The following WWOX variants were observed in gnomAD, a reference collection of about 807,000 sequenced individuals.
WWOX encodes the protein WW domain-containing oxidoreductase.
Under a neutral mutation model 46.2 loss-of-function variants are expected in WWOX, and 69 were observed. The observed-to-expected ratio is 1.49, with a 90% confidence interval of 1.23 to 1.82. WWOX has a LOEUF of 1.82. Among genes scored for constraint, WWOX ranks in the 40% most tolerant of loss-of-function variants. WWOX has a pLI of 0.00. For synonymous variants in WWOX, 359 were observed against 202.6 expected (o/e 1.77, Z -6.56); for missense variants, 919 against 542.6 (o/e 1.69, Z -6.89).
chr16:78,387,178 A>G (rs1217852279), intron 6 of WWOX, among the ~76,000 whole-genome samples: 1 of 152,228 alleles, frequency 6.6e-6, no homozygotes. Context: ...CCAAAAGAGA[A>G]GACACTATTA....
chr16:78,803,969 C>A (rs527864726), intron 8 of WWOX, among the ~76,000 whole-genome samples: 1 of 152,002 alleles, frequency 6.6e-6, no homozygotes, highest in Non-Finnish European at 1.5e-5. Context: ...AGAAGGAAGG[C>A]GCCCCTCCTT....
At chr16:78,596,044 C>T (rs954056074) in intron 8 of WWOX, among the ~76,000 whole-genome samples, 1 of 152,090 alleles carries the variant, frequency 6.6e-6, no homozygotes, top group Non-Finnish European at 1.5e-5. Context: ...AAGTTTTTTA[C>T]TCTTTGTTGT....
chr16:79,193,737 A>C (rs1016840613), intron 8 of WWOX, among the ~76,000 whole-genome samples: 1 of 152,198 alleles, frequency 6.6e-6, no homozygotes. Context: ...CACTTGGGCA[A>C]AAACAATTTA....
intron 8 of WWOX, among the ~76,000 whole-genome samples, chr16:78,554,985 C>T (rs567776414): frequency 3.9e-5 from 6 of 152,166 alleles, no homozygotes; most frequent in Admixed American, 1.3e-4. Flanking sequence ...AAAAGGGGCC[C>T]GGATAAACCA....
At chr16:78,775,022 C>G (rs138117491) in intron 8 of WWOX, among the ~76,000 whole-genome samples, 1 of 152,044 alleles carries the variant, frequency 6.6e-6, no homozygotes, top group Admixed American at 6.6e-5. Context: ...GGGCAGATGG[C>G]GAGAGACATC....
chr16:79,151,147 C>G (rs1485420376), intron 8 of WWOX, among the ~76,000 whole-genome samples: 1 of 152,214 alleles, frequency 6.6e-6, no homozygotes, highest in Non-Finnish European at 1.5e-5. Flanking sequence ...GAAAATTCCC[C>G]TCCTGCTTTC....
intron 8 of WWOX, among the ~76,000 whole-genome samples, chr16:78,849,075 C>T (rs2052373107): frequency 6.6e-6 from 1 of 152,158 alleles, no homozygotes; most frequent in Non-Finnish European, 1.5e-5. Flanking sequence ...AATCTTGCCA[C>T]AGCTCCCCAG....
chr16:78,812,445 G>T (rs1387928965), intron 8 of WWOX, among the ~76,000 whole-genome samples: 2 of 151,996 alleles, frequency 1.3e-5, no homozygotes, highest in African/African-American at 4.8e-5. Context: ...TATCTGACTG[G>T]GCATGGTGGC....
chr16:78,539,596 A>G (rs1417876900), intron 8 of WWOX, among the ~76,000 whole-genome samples: 2 of 152,228 alleles, frequency 1.3e-5, no homozygotes, highest in Non-Finnish European at 2.9e-5. Context: ...CATTTTTAAG[A>G]ATTTCCCGAT....
At chr16:78,254,282 A>G (rs973170610) in intron 5 of WWOX, among the ~76,000 whole-genome samples, 1 of 151,732 alleles carries the variant, frequency 6.6e-6, no homozygotes, top group Non-Finnish European at 1.5e-5. Flanking sequence ...GGCAGGTCTC[A>G]TTATGTTGCC....
At chr16:79,073,602 T>C (rs12446495) in intron 8 of WWOX, among the ~76,000 whole-genome samples, 53,045 of 152,086 alleles carry the variant, frequency 0.35, 9,587 homozygotes, top group East Asian at 0.56. Context: ...CTGAGTGTCT[T>C]CAAATGTCTG....
At chr16:79,210,270 C>G (rs1261088726) in intron 8 of WWOX, among the ~76,000 whole-genome samples, 1 of 152,216 alleles carries the variant, frequency 6.6e-6, no homozygotes, top group Admixed American at 6.5e-5. Flanking sequence ...CCAAGTCTGC[C>G]TTATGGCAGA....
intron 8 of WWOX, among the ~76,000 whole-genome samples, chr16:78,794,970 C>T (rs553224986): frequency 1.5e-4 from 23 of 152,308 alleles, no homozygotes; most frequent in South Asian, 6.2e-4. Context: ...ATCATCATCA[C>T]GTAAGCATCT....
intron 6 of WWOX, among the ~76,000 whole-genome samples, chr16:78,418,066 A>C (rs1207392014): frequency 2.0e-5 from 3 of 152,228 alleles, no homozygotes; most frequent in African/African-American, 7.2e-5. Flanking sequence ...CAAGCGCTTA[A>C]AGAATTAATA....
intron 8 of WWOX, among the ~76,000 whole-genome samples, chr16:78,631,116 A>G (rs926773000): frequency 1.3e-5 from 2 of 152,198 alleles, no homozygotes; most frequent in Non-Finnish European, 2.9e-5. Flanking sequence ...TGCAAATACT[A>G]TACAATTTTA....
chr16:79,170,223 C>G (rs956116447), intron 8 of WWOX, among the ~76,000 whole-genome samples: 1 of 152,182 alleles, frequency 6.6e-6, no homozygotes, highest in African/African-American at 2.4e-5. Context: ...GCACATTTCT[C>G]CTTACAAACA....
intron 8 of WWOX, among the ~76,000 whole-genome samples, chr16:78,719,945 G>A (rs999724831): frequency 1.3e-5 from 2 of 152,020 alleles, no homozygotes; most frequent in African/African-American, 2.4e-5. Context: ...TCACCAAAGT[G>A]TTCTATTCTA....
At chr16:78,683,866 A>G (rs2142241938) in intron 8 of WWOX, among the ~76,000 whole-genome samples, 1 of 152,288 alleles carries the variant, frequency 6.6e-6, no homozygotes, top group South Asian at 2.1e-4. Flanking sequence ...GTCACAAGGA[A>G]CAGAGTTTTA....
intron 8 of WWOX, among the ~76,000 whole-genome samples, chr16:78,545,915 A>T (rs2044020177): frequency 6.6e-6 from 1 of 152,086 alleles, no homozygotes; most frequent in Non-Finnish European, 1.5e-5. Flanking sequence ...TTAGGGCACC[A>T]CGCTTATGAC....
Sources: gnomAD v4.1 joint callset for allele counts (sites outside exome capture counted in the v4.1 genomes callset) on GRCh38, gnomAD v4.1.1 for gene constraint, MANE v1.5 for transcripts, NCBI Gene and HGNC (gene_info 2026-07-23, HGNC 2026-07-21) for gene names.